Variants in AFG1L observed in about 807,000 individuals in gnomAD.
AFG1L encodes the protein AFG1-like ATPase.
In AFG1L, 53 loss-of-function variants were observed where a neutral mutation model predicts 62.2. That is an observed-to-expected ratio of 0.85 (90% CI 0.68 to 1.07). AFG1L has a LOEUF of 1.07. Among genes scored for constraint, AFG1L ranks in the 50% least tolerant of loss-of-function variants. AFG1L has a pLI of 0.00. For missense variants in AFG1L, 555 were observed against 590.5 expected, an observed-to-expected ratio of 0.94 and a Z score of 0.62; for synonymous variants, 228 against 210.3, an observed-to-expected ratio of 1.08 and a Z score of -0.73.
intron 10 of AFG1L, among the ~76,000 whole-genome samples, chr6:108,497,792 C>T (rs939114158): frequency 1.3e-5 from 2 of 152,092 alleles, no homozygotes; most frequent in Non-Finnish European, 2.9e-5. Flanking sequence ...TCTGCAGGGG[C>T]TGGACTTGCT....
intron 7 of AFG1L, among the ~76,000 whole-genome samples, chr6:108,419,983 C>T (rs1254509707): frequency 1.3e-5 from 2 of 152,074 alleles, no homozygotes; most frequent in Non-Finnish European, 2.9e-5. Context: ...TGCCATTTTT[C>T]CTGCCACAGT....
At chr6:108,521,566 G>A (rs1282784378) in intron 12 of AFG1L, 1 of 152,194 alleles carries the variant, frequency 6.6e-6, no homozygotes, top group Non-Finnish European at 1.5e-5. Flanking sequence ...AGAAATCAGG[G>A]AATGTGATCT....
At chr6:108,298,260 A>ATTTT (rs779200181) in intron 1 of AFG1L, among the ~76,000 whole-genome samples, 22 of 121,492 alleles carry the variant, frequency 1.8e-4, no homozygotes, top group Admixed American at 4.2e-4. Flanking sequence ...GAGGGGAAGA[A>ATTTT]TTTTTTTTTT....
chr6:108,421,634 C>G (rs935719009), intron 7 of AFG1L, among the ~76,000 whole-genome samples: 1 of 152,062 alleles, frequency 6.6e-6, no homozygotes, highest in African/African-American at 2.4e-5. Flanking sequence ...CCTGCACCCC[C>G]CCTGTCTGCT....
At chr6:108,474,875 A>G (rs1315090073) in intron 8 of AFG1L, among the ~76,000 whole-genome samples, 1 of 152,168 alleles carries the variant, frequency 6.6e-6, no homozygotes, top group African/African-American at 2.4e-5. Context: ...TTTGCTGTGC[A>G]GAAGCTCTTT....
At chr6:108,432,965 A>G (rs1196406107) in intron 7 of AFG1L, among the ~76,000 whole-genome samples, 1 of 152,344 alleles carries the variant, frequency 6.6e-6, no homozygotes, top group East Asian at 1.9e-4. Flanking sequence ...CCATTCCCCA[A>G]GCTACAGGAA....
chr6:108,488,735 G>A (rs1466705064), intron 10 of AFG1L, among the ~76,000 whole-genome samples: 5 of 151,878 alleles, frequency 3.3e-5, no homozygotes, highest in African/African-American at 1.2e-4. Context: ...GAGTGTGATG[G>A]CGCACATCTA....
chr6:108,484,216 C>T (rs1414024991), intron 10 of AFG1L, among the ~76,000 whole-genome samples: 9 of 152,208 alleles, frequency 5.9e-5, no homozygotes, highest in Admixed American at 5.2e-4. Flanking sequence ...AGAAGCAAAA[C>T]CATTTTTATA....
chr6:108,383,916 A>G (rs146810177), intron 6 of AFG1L, among the ~76,000 whole-genome samples: 2 of 152,280 alleles, frequency 1.3e-5, no homozygotes, highest in South Asian at 2.1e-4. Context: ...TTTCACTGAC[A>G]GGGAATATAA....
chr6:108,449,050 A>G (rs554213810), intron 8 of AFG1L, among the ~76,000 whole-genome samples: 42 of 152,038 alleles, frequency 2.8e-4, no homozygotes, highest in African/African-American at 9.2e-4. Flanking sequence ...TGGGAGGCTG[A>G]GATGGGAGGA....
Position 108,401,989 on chromosome 6 carries a change from CT to C in AFG1L, c.749-4del. 7.3e-7 allele frequency: 1 copy of C among 1,376,272 alleles called. No homozygotes were observed. The highest frequency in any genetic ancestry group is 1.0e-6 in the Non-Finnish European group (1 of 1,000,750). The allele number at this position is 1,376,272 out of a possible 1,614,324, so 85.3% of individuals were successfully genotyped here. A position where few individuals can be genotyped will look rare whatever the true frequency, so the allele number is the denominator to read the frequency against. On this transcript the variant is annotated splice_polypyrimidine_tract_variant and splice_region_variant and intron_variant, in intron 6 of 12. Transcript: ENST00000368977. The stretch of plus-strand genomic sequence containing the variant: ...AGCAAAAAACTAATATCATTTTTTT[CT>C]TTCAGATCTCTATAAAAATGGACTC...
intron 10 of AFG1L, among the ~76,000 whole-genome samples, chr6:108,498,750 A>G (rs1032937431): frequency 5.3e-5 from 8 of 152,114 alleles, no homozygotes; most frequent in Non-Finnish European, 1.2e-4. Context: ...TGAGGCAGGC[A>G]GATCACCTGA....
chr6:108,490,675 A>T (rs1365205762), intron 10 of AFG1L, among the ~76,000 whole-genome samples: 1 of 152,194 alleles, frequency 6.6e-6, no homozygotes, highest in Non-Finnish European at 1.5e-5. Flanking sequence ...CATCATCCGA[A>T]CTGCAGCCTT....
intron 1 of AFG1L, among the ~76,000 whole-genome samples, chr6:108,307,068 C>T (rs1236110594): frequency 6.7e-6 from 1 of 150,030 alleles, no homozygotes; most frequent in Non-Finnish European, 1.5e-5. Flanking sequence ...GGCTGGAGTG[C>T]AATGGCATGA....
intron 5 of AFG1L, among the ~76,000 whole-genome samples, chr6:108,365,835 T>G (rs1001154939): frequency 3.3e-5 from 5 of 152,008 alleles, no homozygotes; most frequent in Non-Finnish European, 7.4e-5. Context: ...GCCTGTGTAT[T>G]TTATTATTAT....
chr6:108,370,709 A>G (rs1779966382), intron 6 of AFG1L, among the ~76,000 whole-genome samples: 1 of 152,146 alleles, frequency 6.6e-6, no homozygotes, highest in South Asian at 2.1e-4. Context: ...GACACTTTCT[A>G]ATTTTCTGGC....
chr6:108,298,008 T>G (rs1028123506), intron 1 of AFG1L, among the ~76,000 whole-genome samples: 1 of 152,134 alleles, frequency 6.6e-6, no homozygotes, highest in East Asian at 1.9e-4. Flanking sequence ...AGTTTCTGTT[T>G]CATAATTTAA....
At chr6:108,405,996 T>C (rs1781836068) in intron 7 of AFG1L, among the ~76,000 whole-genome samples, 2 of 152,248 alleles carry the variant, frequency 1.3e-5, no homozygotes, top group South Asian at 4.1e-4. Flanking sequence ...TATTCTATTG[T>C]AAGGATATGC....
intron 3 of AFG1L, among the ~76,000 whole-genome samples, chr6:108,349,069 G>A (rs1345978793): frequency 6.6e-6 from 1 of 152,212 alleles, no homozygotes; most frequent in Non-Finnish European, 1.5e-5. Flanking sequence ...GTTTGGGTAG[G>A]TGGCAACCTT....
Sources: gnomAD v4.1 joint callset for allele counts (sites outside exome capture counted in the v4.1 genomes callset) on GRCh38, gnomAD v4.1.1 for gene constraint, MANE v1.5 for transcripts, NCBI Gene and HGNC (gene_info 2026-07-23, HGNC 2026-07-21) for gene names.